The following PINX1 variants were observed in gnomAD, a reference collection of about 807,000 sequenced individuals.
PINX1 encodes the protein PIN2 (TERF1) interacting telomerase inhibitor 1.
A neutral mutation model predicts 25.4 loss-of-function variants in PINX1; 34 were observed. That is an observed-to-expected ratio of 1.34 (90% CI 1.02 to 1.78). PINX1 has a LOEUF of 1.78. PINX1 is among the 40% of genes most tolerant of loss of function. The pLI, the probability that PINX1 is intolerant of heterozygous loss-of-function variation, is 0.00. For missense variants in PINX1, 592 were observed against 404.9 expected (o/e 1.46, Z -3.97); for synonymous variants, 197 against 147.7 (o/e 1.33, Z -2.42).
intron 6 of PINX1, among the ~76,000 whole-genome samples, chr8:10,785,326 A>G (rs1801714481): frequency 6.6e-6 from 1 of 152,240 alleles, no homozygotes; most frequent in Non-Finnish European, 1.5e-5. Flanking sequence ...TTAACCCATC[A>G]GAATCTTATT....
At chr8:10,802,007 A>G (rs11998382) in intron 6 of PINX1, among the ~76,000 whole-genome samples, 28,390 of 152,184 alleles carry the variant, frequency 0.19, 2,943 homozygotes, top group Non-Finnish European at 0.23. Flanking sequence ...GATGCAATGC[A>G]TGCCGTACAA....
intron 6 of PINX1, among the ~76,000 whole-genome samples, chr8:10,781,317 C>T (rs988283017): frequency 6.6e-6 from 1 of 152,186 alleles, no homozygotes; most frequent in Admixed American, 6.5e-5. Context: ...ACACCAAAAG[C>T]TCAGGCTACC....
chr8:10,808,893 A>C (rs1413327695), intron 6 of PINX1, among the ~76,000 whole-genome samples: 1 of 152,240 alleles, frequency 6.6e-6, no homozygotes, highest in Non-Finnish European at 1.5e-5. Context: ...AGCAGCAGAA[A>C]AGGAAAAGTT....
intron 6 of PINX1, among the ~76,000 whole-genome samples, chr8:10,801,197 G>A (rs762991306): frequency 9.9e-5 from 15 of 152,214 alleles, no homozygotes; most frequent in Non-Finnish European, 1.9e-4. Flanking sequence ...TGCAGAAAGG[G>A]AAGGAAGGGG....
At position 10,797,168 on chromosome 8, in the gene PINX1, C is replaced by T. The variant is rs538915356; in HGVS notation, c.471+23025G>A. 4.6e-5 allele frequency among the ~76,000 whole-genome samples: 7 copies of T among 152,276 alleles called. No homozygotes were observed. In the East Asian group the frequency reaches 5.8e-4, roughly 13 times the overall value. ...CCTGGTTTTTCAGCAGGGGTCTTCA[C>T]GCTCACTAGTCTGAGTCTTCAGCCA... On this transcript the variant is annotated intron_variant, in intron 6 of 6. Coordinates refer to ENST00000314787, the MANE Select transcript of PINX1 (RefSeq NM_017884.6).
intron 6 of PINX1, among the ~76,000 whole-genome samples, chr8:10,809,277 C>T (rs1802550711): frequency 6.6e-6 from 1 of 152,132 alleles, no homozygotes; most frequent in South Asian, 2.1e-4. Flanking sequence ...AGATCCTCTA[C>T]CAATAAAGAG....
chr8:10,795,830 T>C (rs1035652436), intron 6 of PINX1, among the ~76,000 whole-genome samples: 1 of 152,020 alleles, frequency 6.6e-6, no homozygotes, highest in African/African-American at 2.4e-5. Context: ...ATTATGACAG[T>C]TAGCAAAAAA....
chr8:10,796,450 C>A (rs558054812), intron 6 of PINX1, among the ~76,000 whole-genome samples: 30 of 152,286 alleles, frequency 2.0e-4, no homozygotes, highest in South Asian at 8.3e-4. Flanking sequence ...ATCAGCTCCC[C>A]CTTCCAGAGA....
At chr8:10,820,105 T>C (rs1797820460) in intron 6 of PINX1, 88 bp downstream of exon 6, 1 of 833,370 alleles carries the variant, frequency 1.2e-6, no homozygotes, top group South Asian at 1.4e-5. Context: ...GTCAGAAAAG[T>C]ACTAGTCATA....
intron 1 of PINX1, among the ~76,000 whole-genome samples, chr8:10,838,482 A>C (rs1387691072): frequency 6.6e-6 from 1 of 152,238 alleles, no homozygotes; most frequent in African/African-American, 2.4e-5. Context: ...CACTGATTTA[A>C]GGCCACCTAG....
intron 3 of PINX1, among the ~76,000 whole-genome samples, 156 bp downstream of exon 3, chr8:10,832,736 G>A (rs947934361): frequency 6.6e-6 from 1 of 152,184 alleles, no homozygotes; most frequent in African/African-American, 2.4e-5. Flanking sequence ...CTGAGTTATA[G>A]TGCCATGCAT....
intron 6 of PINX1, among the ~76,000 whole-genome samples, chr8:10,808,119 C>T (rs762669993): frequency 5.3e-5 from 8 of 152,112 alleles, no homozygotes; most frequent in Non-Finnish European, 7.4e-5. Flanking sequence ...TAGCAGGGTA[C>T]GATATTTACA....
Position 10,834,632 on chromosome 8 carries a change from A to T in PINX1, c.129+34T>A, listed in dbSNP as rs1020023693. ...CCCCTAATTTCTAATCTCTTTTCAT[A>T]GCTCAGATTTTTTTCCGCTTTTCTC... On this transcript the variant is annotated intron_variant, in intron 2 of 6. Coordinates refer to ENST00000314787, the MANE Select transcript of PINX1 (RefSeq NM_017884.6). The T allele has an allele frequency of 3.1e-6, 5 of 1,608,124 alleles. No individual in the cohort carries two copies. In the Admixed American group the frequency reaches 6.8e-5, roughly 22 times the overall value.
intron 5 of PINX1, chr8:10,822,154 A>G (rs1209062387): frequency 6.6e-6 from 1 of 152,272 alleles, no homozygotes; most frequent in Non-Finnish European, 1.5e-5. Flanking sequence ...AGAAGAAAGA[A>G]GAGTCAGAGA....
chr8:10,827,806 G>A (rs562013302), intron 4 of PINX1, among the ~76,000 whole-genome samples: 7 of 151,182 alleles, frequency 4.6e-5, no homozygotes, highest in African/African-American at 1.7e-4. Context: ...AGCTACTCAG[G>A]AGGCTGAGGC....
At chr8:10,815,605 CAT>C (rs1253744298) in intron 6 of PINX1, among the ~76,000 whole-genome samples, 10 of 152,226 alleles carry the variant, frequency 6.6e-5, no homozygotes, top group African/African-American at 1.2e-4. Flanking sequence ...TGGGCCCACA[CAT>C]GTTTTGCATG....
intron 6 of PINX1, among the ~76,000 whole-genome samples, chr8:10,792,024 T>C (rs926982426): frequency 4.6e-5 from 7 of 152,146 alleles, no homozygotes; most frequent in African/African-American, 1.7e-4. Context: ...GACCGCCCCC[T>C]CTCTCCCGCT....
chr8:10,803,488 C>T (rs1463846835), intron 6 of PINX1, among the ~76,000 whole-genome samples: 1 of 152,214 alleles, frequency 6.6e-6, no homozygotes, highest in Non-Finnish European at 1.5e-5. Context: ...TTCTTTCCCA[C>T]AATCCCATAT....
At chr8:10,779,264 G>A (rs550817585) in intron 6 of PINX1, among the ~76,000 whole-genome samples, 7 of 152,310 alleles carry the variant, frequency 4.6e-5, no homozygotes, top group Admixed American at 2.6e-4. Context: ...TAAAGGCCGT[G>A]CAAAGTTCAA....
Sources: gnomAD v4.1 joint callset for allele counts (sites outside exome capture counted in the v4.1 genomes callset) on GRCh38, gnomAD v4.1.1 for gene constraint, MANE v1.5 for transcripts, NCBI Gene and HGNC (gene_info 2026-07-23, HGNC 2026-07-21) for gene names.